Variants in SAMD4A observed in about 807,000 individuals in gnomAD.
SAMD4A encodes the protein protein Smaug homolog 1.
Under a neutral mutation model 81.3 loss-of-function variants are expected in SAMD4A, and 33 were observed. That is an observed-to-expected ratio of 0.41 (90% CI 0.31 to 0.54). The LOEUF (loss-of-function observed/expected upper bound fraction) is 0.54, where lower values mean the gene tolerates loss of function less well. Ranked by LOEUF, SAMD4A falls within the 20% of genes least tolerant of loss-of-function variation. The probability of loss-of-function intolerance (pLI) is 0.37; values close to 1 mark genes in which losing one functional copy is unlikely to be tolerated. For missense variants in SAMD4A, 854 were observed against 951.1 expected (o/e 0.90, Z 1.34); for synonymous variants, 389 against 382.1 (o/e 1.02, Z -0.21).
chr14:54,601,276 CTTTCTT>C (rs954576949), intron 2 of SAMD4A, among the ~76,000 whole-genome samples: 4 of 152,158 alleles, frequency 2.6e-5, no homozygotes, highest in Non-Finnish European at 5.9e-5. Flanking sequence ...GTTGCCTCCC[CTTTCTT>C]CCATGTGGAT....
chr14:54,654,377 A>T (rs8012760), intron 2 of SAMD4A, among the ~76,000 whole-genome samples: 2,847 of 152,228 alleles, frequency 0.019, 76 homozygotes, highest in African/African-American at 0.058. Context: ...GGGTACATTC[A>T]GGCTGCTAGG....
At chr14:54,626,354 A>G (rs1392657122) in intron 2 of SAMD4A, among the ~76,000 whole-genome samples, 4 of 152,156 alleles carry the variant, frequency 2.6e-5, no homozygotes, top group Admixed American at 6.5e-5. Flanking sequence ...GTTCTAATTT[A>G]GTGATAATGC....
chr14:54,777,710 G>A (rs1411609052), intron 11 of SAMD4A, among the ~76,000 whole-genome samples: 1 of 152,072 alleles, frequency 6.6e-6, no homozygotes, highest in Non-Finnish European at 1.5e-5. Flanking sequence ...TCAGGGAGGA[G>A]GAGGACGCTG....
At chr14:54,726,158 G>A (rs1483321163) in intron 3 of SAMD4A, among the ~76,000 whole-genome samples, 1 of 152,078 alleles carries the variant, frequency 6.6e-6, no homozygotes, top group Admixed American at 6.6e-5. Flanking sequence ...AAGAAAATGT[G>A]CCTGGAGCTT....
intron 2 of SAMD4A, among the ~76,000 whole-genome samples, chr14:54,621,376 G>T (rs753319311): frequency 5.3e-5 from 8 of 151,190 alleles, no homozygotes; most frequent in Non-Finnish European, 8.8e-5. Context: ...TTGAGACAGG[G>T]TCTCGCTGTG....
intron 4 of SAMD4A, among the ~76,000 whole-genome samples, chr14:54,743,965 T>C (rs913919587): frequency 6.6e-6 from 1 of 152,230 alleles, no homozygotes; most frequent in Admixed American, 6.5e-5. Flanking sequence ...ACTTCAGTAG[T>C]GAAGAGTGGG....
At chr14:54,594,076 G>T (rs1368392454) in intron 2 of SAMD4A, among the ~76,000 whole-genome samples, 1 of 151,984 alleles carries the variant, frequency 6.6e-6, no homozygotes, top group Non-Finnish European at 1.5e-5. Flanking sequence ...AGTAAAACAT[G>T]ATTGCTATTA....
At chr14:54,722,060 C>G (rs1172415100) in intron 3 of SAMD4A, among the ~76,000 whole-genome samples, 3 of 152,222 alleles carry the variant, frequency 2.0e-5, no homozygotes, top group South Asian at 4.2e-4. Context: ...TAAATACAAC[C>G]TAAACTGATT....
intron 11 of SAMD4A, among the ~76,000 whole-genome samples, chr14:54,781,809 G>A (rs1350511776): frequency 1.3e-5 from 2 of 152,234 alleles, no homozygotes; most frequent in African/African-American, 2.4e-5. Context: ...TACAGCTGAG[G>A]GTTCCTAGCC....
intron 2 of SAMD4A, among the ~76,000 whole-genome samples, chr14:54,579,543 G>A (rs1332701241): frequency 6.6e-6 from 1 of 152,182 alleles, no homozygotes; most frequent in African/African-American, 2.4e-5. Context: ...CAGTAACATT[G>A]TATATGTTTC....
At chr14:54,626,154 G>A (rs1188881151) in intron 2 of SAMD4A, among the ~76,000 whole-genome samples, 1 of 151,916 alleles carries the variant, frequency 6.6e-6, no homozygotes, top group African/African-American at 2.4e-5. Context: ...AGGAGGTCAG[G>A]AAAAATAGTG....
At chr14:54,709,258 C>T (rs2036931113) in intron 3 of SAMD4A, among the ~76,000 whole-genome samples, 2 of 149,878 alleles carry the variant, frequency 1.3e-5, no homozygotes, top group African/African-American at 5.1e-5. Context: ...GTCTGGGTGA[C>T]AGAATAAGCC....
chr14:54,752,726 G>A (rs1288399492), intron 6 of SAMD4A, among the ~76,000 whole-genome samples: 3 of 152,114 alleles, frequency 2.0e-5, no homozygotes, highest in African/African-American at 2.4e-5. Flanking sequence ...CCAGGGGACC[G>A]GCACTCAGCA....
intron 6 of SAMD4A, chr14:54,754,942 T>C: frequency 3.0e-6 from 2 of 666,434 alleles, no homozygotes; most frequent in South Asian, 6.6e-5. Context: ...GGGACGTGCA[T>C]TGGGACAGTT....
intron 2 of SAMD4A, among the ~76,000 whole-genome samples, chr14:54,653,203 G>C (rs909151639): frequency 6.6e-6 from 1 of 151,796 alleles, no homozygotes; most frequent in Admixed American, 6.6e-5. Flanking sequence ...AGAACACCCC[G>C]GAGGTGTTTC....
chr14:54,627,478 TTG>T (rs1288081907), intron 2 of SAMD4A, among the ~76,000 whole-genome samples: 1 of 152,286 alleles, frequency 6.6e-6, no homozygotes, highest in East Asian at 1.9e-4. Context: ...AATCCCTGAT[TTG>T]TGTTTGTGTA....
At chr14:54,726,950 T>TTATTGAA (rs2037429944) in intron 3 of SAMD4A, among the ~76,000 whole-genome samples, 2 of 152,154 alleles carry the variant, frequency 1.3e-5, no homozygotes, top group Non-Finnish European at 2.9e-5. Flanking sequence ...GAACACTGAA[T>TTATTGAA]TATTGAATAT....
chr14:54,772,501 A>G (rs950292083), intron 9 of SAMD4A, among the ~76,000 whole-genome samples: 2 of 152,086 alleles, frequency 1.3e-5, no homozygotes, highest in Non-Finnish European at 2.9e-5. Context: ...CCCCTCCCCT[A>G]TACAGCTGAG....
intron 4 of SAMD4A, among the ~76,000 whole-genome samples, chr14:54,738,133 C>A (rs553454962): frequency 3.8e-4 from 58 of 152,228 alleles, no homozygotes; most frequent in Non-Finnish European, 7.1e-4. Context: ...AGTAACCACT[C>A]ATGCTTTGGG....
Sources: gnomAD v4.1 joint callset for allele counts (sites outside exome capture counted in the v4.1 genomes callset) on GRCh38, gnomAD v4.1.1 for gene constraint, MANE v1.5 for transcripts, NCBI Gene and HGNC (gene_info 2026-07-23, HGNC 2026-07-21) for gene names.